ANO2: variants seen among roughly 807,000 people sequenced by gnomAD.
ANO2 encodes anoctamin 2.
Under a neutral mutation model 124.2 loss-of-function variants are expected in ANO2, and 101 were observed. That is an observed-to-expected ratio of 0.81 (90% confidence interval 0.69 to 0.96). The LOEUF is 0.96. ANO2 is among the 40% of genes least tolerant of loss of function. The probability of loss-of-function intolerance (pLI) is 0.00; values close to 1 mark genes in which losing one functional copy is unlikely to be tolerated. For synonymous variants in ANO2, 486 were observed against 482.5 expected (o/e 1.01, Z -0.09); for missense variants, 1,293 against 1,274.5 (o/e 1.01, Z -0.22).
intron 20 of ANO2, among the ~76,000 whole-genome samples, chr12:5,583,465 A>G (rs571544133): frequency 2.6e-5 from 4 of 151,790 alleles, no homozygotes; most frequent in Admixed American, 6.6e-5. Context: ...CATCTTGGCT[A>G]ACACGGTGAA....
At chr12:5,586,114 C>T (rs1370727284) in intron 20 of ANO2, among the ~76,000 whole-genome samples, 2 of 152,182 alleles carry the variant, frequency 1.3e-5, no homozygotes, top group Non-Finnish European at 2.9e-5. Flanking sequence ...CTTCCCTCCT[C>T]AAGCACTGAC....
At chr12:5,628,376 T>C (rs1364838484) in intron 16 of ANO2, among the ~76,000 whole-genome samples, 1 of 152,216 alleles carries the variant, frequency 6.6e-6, no homozygotes, top group African/African-American at 2.4e-5. Flanking sequence ...CTGGAACCTT[T>C]GTGGTGTTTC....
intron 17 of ANO2, 84 bp from the exon 18 acceptor site, chr12:5,613,042 AC>A: frequency 7.5e-7 from 1 of 1,334,332 alleles, no homozygotes; most frequent in Non-Finnish European, 1.1e-6. Context: ...GGGGAATACC[AC>A]CACCACTGTC....
chr12:5,804,087 T>C (rs566206311), intron 9 of ANO2, among the ~76,000 whole-genome samples: 47 of 152,330 alleles, frequency 3.1e-4, no homozygotes, highest in Middle Eastern at 6.8e-3. Context: ...CAGCTCCAAA[T>C]GCAGGGGTCC....
intron 10 of ANO2, among the ~76,000 whole-genome samples, chr12:5,768,340 A>C (rs1984479): frequency 0.68 from 103,983 of 151,998 alleles, 35,888 homozygotes; most frequent in East Asian, 0.85. Context: ...TGGGAATTTC[A>C]CCAGGTCATA....
rs573091841 is a variant in ANO2 at position 5,852,930 on chromosome 12, G to A, written c.633+1113C>T. On this transcript the variant is annotated intron_variant, in intron 4 of 24. Transcript: ENST00000682330. ...AGAGAGAGAGAGAAGAGGGGGTGGA[G>A]GGAAAGAAAGAGAGACCACCCACAG... is the stretch of plus-strand genomic sequence containing the variant. Among the ~76,000 whole-genome samples, 16 of 151,256 alleles carry A rather than the reference G, an allele frequency of 1.1e-4. No homozygotes were observed. The East Asian group carries it at 2.3e-3, about 22-fold the overall frequency.
chr12:5,877,477 T>C (rs1461938045), intron 3 of ANO2, among the ~76,000 whole-genome samples: 1 of 152,164 alleles, frequency 6.6e-6, no homozygotes, highest in Non-Finnish European at 1.5e-5. Flanking sequence ...GGGTTGAGCA[T>C]TTCATGAAGA....
At chr12:5,928,538 G>A (rs1440985673) in intron 1 of ANO2, among the ~76,000 whole-genome samples, 2 of 148,900 alleles carry the variant, frequency 1.3e-5, no homozygotes, top group African/African-American at 5.0e-5. Context: ...TTCCTTACTC[G>A]TCTACCTTCT....
rs546690108 is a variant in ANO2, at chr12:5,886,210, G to A, written c.535-32069C>T. On this transcript the variant is annotated intron_variant, in intron 3 of 24. Transcript: ENST00000682330. ...GTTTAAAGCAGCATGGTTCACAATA[G>A]CCAAGGCAAATGGAAGCAAGCGTCT... Among the ~76,000 whole-genome samples, 4 of 152,000 alleles carry A rather than the reference G, an allele frequency of 2.6e-5. 1 individual carries two copies. The highest frequency in any genetic ancestry group is 9.7e-5 in the African/African-American group (4 of 41,278).
intron 4 of ANO2, among the ~76,000 whole-genome samples, chr12:5,837,116 G>C (rs913846662): frequency 9.2e-5 from 14 of 152,216 alleles, no homozygotes; most frequent in African/African-American, 3.1e-4. Flanking sequence ...AACCAGGCTA[G>C]AGGTGAGCCA....
intron 14 of ANO2, among the ~76,000 whole-genome samples, chr12:5,698,648 G>T (rs1049781289): frequency 2.6e-5 from 4 of 152,130 alleles, no homozygotes; most frequent in Non-Finnish European, 1.5e-5. Flanking sequence ...AAATTTCTCC[G>T]AGCTAAAGGA....
chr12:5,658,193 G>A lies in ANO2; in HGVS notation c.1546-10392C>T, dbSNP rs537823117. ...TTCCCAGCTTGCACGCTAATTGAACGTGTGACTTCAGGCATGTTACCAACT... is the reference window on the plus strand; with the variant it reads ...TTCCCAGCTTGCACGCTAATTGAACATGTGACTTCAGGCATGTTACCAACT... On this transcript the variant is annotated intron_variant, in intron 14 of 24. Coordinates refer to ENST00000682330, the MANE Select transcript of ANO2 (RefSeq NM_001364791.2). The surrounding 1 kb of genome is among the most constrained non-coding windows in gnomAD (Gnocchi z 4.3). Among the ~76,000 whole-genome samples the A allele has an allele frequency of 6.6e-5, 10 of 152,084 alleles. No homozygotes were observed. Among genetic ancestry groups the A allele is most frequent in the Non-Finnish European group, 1.2e-4 (8 of 68,014 alleles).
At chr12:5,705,308 G>A (rs1448921374) in intron 14 of ANO2, among the ~76,000 whole-genome samples, 1 of 150,024 alleles carries the variant, frequency 6.7e-6, no homozygotes, top group Non-Finnish European at 1.5e-5. Context: ...AAAATTGAAA[G>A]AGAAAGAAGA....
intron 7 of ANO2, among the ~76,000 whole-genome samples, chr12:5,818,855 T>C (rs755837896): frequency 3.2e-4 from 49 of 152,120 alleles, no homozygotes; most frequent in Non-Finnish European, 5.0e-4. Context: ...AATGAAGCGG[T>C]TGGTTGCTCC....
intron 15 of ANO2, among the ~76,000 whole-genome samples, chr12:5,642,333 C>T (rs1188542885): frequency 1.3e-5 from 2 of 152,102 alleles, no homozygotes; most frequent in African/African-American, 4.8e-5. Context: ...CCAGCCTGGA[C>T]GTCTTCCCTG....
chr12:5,665,339 T>G (rs1947646740), intron 14 of ANO2, among the ~76,000 whole-genome samples: 1 of 152,192 alleles, frequency 6.6e-6, no homozygotes, highest in Admixed American at 6.5e-5. Context: ...CATGGTATTC[T>G]AGATTCATGC....
intron 3 of ANO2, among the ~76,000 whole-genome samples, chr12:5,914,522 G>C (rs1264449557): frequency 6.6e-6 from 1 of 152,150 alleles, no homozygotes; most frequent in Non-Finnish European, 1.5e-5. Flanking sequence ...TGGGCCCCCA[G>C]ACTTCCCTGA....
At chr12:5,619,443 T>G (rs1213624082) in intron 16 of ANO2, among the ~76,000 whole-genome samples, 1 of 152,142 alleles carries the variant, frequency 6.6e-6, no homozygotes, top group Non-Finnish European at 1.5e-5. Flanking sequence ...CCTACTTGTG[T>G]GAGGCCTCCC....
rs1207435222 is a variant in ANO2 at position 5,922,601 on chromosome 12, A to G, written c.207+19T>C. ...CAGGGCTGGCCTATCCCCCCACCCC[A>G]CCCCCGCCCAGTACTCACAGAGCTG... On this transcript the variant is annotated intron_variant, in intron 2 of 24. Coordinates refer to ENST00000682330, the MANE Select transcript of ANO2 (RefSeq NM_001364791.2). The G allele has an allele frequency of 1.2e-6, 1 of 861,474 alleles. No homozygotes were observed. The highest frequency in any genetic ancestry group is 1.7e-6 in the Non-Finnish European group (1 of 596,374). 53.4% of individuals were successfully genotyped at this position (861,474 alleles called of 1,614,324 possible).
Sources: gnomAD v4.1 joint callset for allele counts (sites outside exome capture counted in the v4.1 genomes callset) on GRCh38, gnomAD v4.1.1 for gene constraint, Gnocchi (gnomAD v3.1) non-coding constraint, MANE v1.5 for transcripts, NCBI Gene and HGNC (gene_info 2026-07-23, HGNC 2026-07-21) for gene names.